Variants in YAF2 observed in about 807,000 individuals in gnomAD.
YAF2 encodes YY1 associated factor 2, also known as YY1-associated factor 2.
Under a neutral mutation model 20.1 loss-of-function variants are expected in YAF2, and 7 were observed. The ratio of observed to expected loss-of-function variants is 0.35; its 90% CI spans 0.20 to 0.65. YAF2 has a LOEUF of 0.65. Among genes scored for constraint, YAF2 ranks in the 30% least tolerant of loss-of-function variants. The probability of loss-of-function intolerance (pLI) is 0.69; values close to 1 mark genes in which losing one functional copy is unlikely to be tolerated. For missense variants in YAF2, 151 were observed against 219.2 expected (o/e 0.69, Z 1.96); for synonymous variants, 74 against 76.0 (o/e 0.97, Z 0.14).
At chr12:42,177,405 T>C (rs951308268) in intron 2 of YAF2, among the ~76,000 whole-genome samples, 1 of 152,174 alleles carries the variant, frequency 6.6e-6, no homozygotes, top group African/African-American at 2.4e-5. Context: ...TCTACTTACA[T>C]TTCCTTCTGG....
At chr12:42,171,691 C>A (rs940134605) in intron 2 of YAF2, among the ~76,000 whole-genome samples, 1 of 151,984 alleles carries the variant, frequency 6.6e-6, no homozygotes, top group African/African-American at 2.4e-5. Flanking sequence ...TGGTAGCTCA[C>A]GCCTATAATC....
intron 1 of YAF2, 66 bp downstream of exon 1, chr12:42,238,089 C>G (rs558156032): frequency 2.8e-5 from 38 of 1,353,228 alleles, no homozygotes; most frequent in Non-Finnish European, 3.5e-5. Context: ...GAGGCGGCCA[C>G]CCGAAGCCCT....
At chr12:42,163,107 A>C (rs530385146) in intron 2 of YAF2, among the ~76,000 whole-genome samples, 6 of 152,320 alleles carry the variant, frequency 3.9e-5, no homozygotes, top group South Asian at 2.1e-4. Flanking sequence ...AGTAGAGCCC[A>C]AGAAACTGTA....
rs188999359 is a variant in YAF2 at position 42,163,779 on chromosome 12, G to C, written c.153-2014C>G. Among the ~76,000 whole-genome samples the C allele has an allele frequency of 1.2e-3, 185 of 152,254 alleles. 1 individual carries two copies. In the South Asian group the frequency reaches 0.031, roughly 25 times the overall value. On this transcript the variant is annotated intron_variant, in intron 2 of 3. Transcript: ENST00000534854. Reference sequence around the variant, plus strand: ...TCTCTGCTGCTCTCTAGGAGCTAAAGAGCTTTCACTGAAGGTAGGAGGAAC... The same window carrying C: ...TCTCTGCTGCTCTCTAGGAGCTAAACAGCTTTCACTGAAGGTAGGAGGAAC...
chr12:42,236,595 T>C (rs1239753707), intron 2 of YAF2, among the ~76,000 whole-genome samples: 1 of 152,186 alleles, frequency 6.6e-6, no homozygotes, highest in Non-Finnish European at 1.5e-5. Flanking sequence ...CAAGATCTCA[T>C]TTTTTAGAAA....
chr12:42,178,063 C>A (rs1196852755), intron 2 of YAF2, among the ~76,000 whole-genome samples: 1 of 152,158 alleles, frequency 6.6e-6, no homozygotes, highest in Non-Finnish European at 1.5e-5. Context: ...TTGTTCACTG[C>A]TGTTTCTCCT....
intron 2 of YAF2, among the ~76,000 whole-genome samples, chr12:42,203,045 G>T (rs575789089): frequency 2.0e-5 from 3 of 149,048 alleles, no homozygotes; most frequent in Admixed American, 6.7e-5. Flanking sequence ...CTTTAATTTT[G>T]CACAGGAAGG....
intron 2 of YAF2, among the ~76,000 whole-genome samples, chr12:42,226,647 G>T (rs1368125982): frequency 6.6e-6 from 1 of 152,114 alleles, no homozygotes; most frequent in Non-Finnish European, 1.5e-5. Context: ...CTGGGCAACA[G>T]ACTGAAACCC....
chr12:42,234,259 G>A (rs1592071898), intron 2 of YAF2: 1 of 985,042 alleles, frequency 1.0e-6, no homozygotes, highest in Non-Finnish European at 1.2e-6. Context: ...TATAAAGACT[G>A]TGCAGCATCT....
chr12:42,207,801 G>A (rs945380419), intron 2 of YAF2, among the ~76,000 whole-genome samples: 1 of 152,146 alleles, frequency 6.6e-6, no homozygotes, highest in African/African-American at 2.4e-5. Context: ...TGAGGCAGGA[G>A]AATGGCGTGA....
At chr12:42,234,724 A>T in intron 2 of YAF2, 1 of 984,300 alleles carries the variant, frequency 1.0e-6, no homozygotes, top group Non-Finnish European at 1.2e-6. Flanking sequence ...ATGGTGGCTC[A>T]TTCCTATAAT....
intron 2 of YAF2, chr12:42,235,255 T>A (rs548953778): frequency 5.3e-5 from 53 of 997,018 alleles, no homozygotes; most frequent in Non-Finnish European, 6.2e-5. Flanking sequence ...CCAACCTTAC[T>A]CTGGAAATTA....
intron 2 of YAF2, among the ~76,000 whole-genome samples, chr12:42,206,565 C>T (rs994450583): frequency 6.0e-5 from 9 of 150,658 alleles, no homozygotes; most frequent in South Asian, 4.2e-4. Context: ...GCCGAGATAG[C>T]GCCACTGCAC....
chr12:42,206,608 T>TAAA (rs59450062), intron 2 of YAF2, among the ~76,000 whole-genome samples: 1 of 135,352 alleles, frequency 7.4e-6, no homozygotes, highest in Non-Finnish European at 1.6e-5. Context: ...GACTCCATAT[T>TAAA]AAAAAAAAAA....
chr12:42,231,675 G>A (rs1219035808), intron 2 of YAF2: 2 of 152,114 alleles, frequency 1.3e-5, no homozygotes, highest in African/African-American at 4.8e-5. Context: ...TGAGTTATGC[G>A]TAGCTTCCAA....
chr12:42,200,848 C>T (rs1001184537), intron 2 of YAF2, among the ~76,000 whole-genome samples: 2 of 152,226 alleles, frequency 1.3e-5, no homozygotes, highest in African/African-American at 4.8e-5. Context: ...CAAATCCTAA[C>T]TTCAAATCTT....
At chr12:42,170,795 G>A (rs562035135) in intron 2 of YAF2, among the ~76,000 whole-genome samples, 2 of 152,156 alleles carry the variant, frequency 1.3e-5, no homozygotes, top group South Asian at 4.1e-4. Flanking sequence ...GCAGTGAGCC[G>A]TGATTGTGCC....
At chr12:42,205,907 G>A in intron 2 of YAF2, 1 of 397,728 alleles carries the variant, frequency 2.5e-6, no homozygotes. Flanking sequence ...TAATTATTTT[G>A]TAATTTCCAT....
At chr12:42,203,766 C>T (rs1019744091) in intron 2 of YAF2, among the ~76,000 whole-genome samples, 1 of 151,814 alleles carries the variant, frequency 6.6e-6, no homozygotes, top group Non-Finnish European at 1.5e-5. Flanking sequence ...ATATATTTTC[C>T]CTTGTATAGT....
Sources: gnomAD v4.1 joint callset for allele counts (sites outside exome capture counted in the v4.1 genomes callset) on GRCh38, gnomAD v4.1.1 for gene constraint, MANE v1.5 for transcripts, NCBI Gene and HGNC (gene_info 2026-07-23, HGNC 2026-07-21) for gene names.